Variants in PPP1R9A observed in about 807,000 individuals in gnomAD.
The protein encoded by PPP1R9A is neurabin-1.
A neutral mutation model predicts 141.9 loss-of-function variants in PPP1R9A; 59 were observed. That is an observed-to-expected ratio of 0.42 (90% CI 0.34 to 0.52). The LOEUF (loss-of-function observed/expected upper bound fraction) is 0.52, where lower values mean the gene tolerates loss of function less well. Among genes scored for constraint, PPP1R9A ranks in the 20% least tolerant of loss-of-function variants. The probability of loss-of-function intolerance (pLI) is 0.10; values close to 1 mark genes in which losing one functional copy is unlikely to be tolerated. For missense variants in PPP1R9A, 1,444 were observed against 1,611.9 expected, an observed-to-expected ratio of 0.90 and a Z score of 1.78; for synonymous variants, 500 against 569.7, an observed-to-expected ratio of 0.88 and a Z score of 1.74.
chr7:95,188,654 A>G lies in PPP1R9A; in HGVS notation c.1755-9695A>G, dbSNP rs528886185. 2.6e-4 allele frequency among the ~76,000 whole-genome samples: 39 copies of G among 148,278 alleles called. 1 individual carries two copies. Among genetic ancestry groups the G allele is most frequent in the African/African-American group, 9.7e-4 (39 of 40,180 alleles). On this transcript the variant is annotated intron_variant, in intron 5 of 19. Transcript: ENST00000433360. ...CACTCTGTTGCCTAGGCTGGAGTGC[A>G]GTGGTGCAATCTCGGCTCACTGTAA... is the stretch of plus-strand genomic sequence containing the variant.
chr7:95,187,400 T>C (rs1328777423), intron 5 of PPP1R9A, among the ~76,000 whole-genome samples: 1 of 152,152 alleles, frequency 6.6e-6, no homozygotes, highest in Non-Finnish European at 1.5e-5. Context: ...TTCGGATATT[T>C]TCTCTTCTTG....
chr7:95,126,364 T>C (rs1005635505), intron 4 of PPP1R9A, among the ~76,000 whole-genome samples: 1 of 152,186 alleles, frequency 6.6e-6, no homozygotes, highest in Admixed American at 6.5e-5. Flanking sequence ...ATTACCCTTA[T>C]CCCTATTGAT....
chr7:94,976,373 G>A (rs1454684717), intron 2 of PPP1R9A, among the ~76,000 whole-genome samples: 14 of 135,676 alleles, frequency 1.0e-4, no homozygotes, highest in Admixed American at 7.3e-4. Flanking sequence ...ATGAAGTCTC[G>A]CTCTGTCACC....
intron 2 of PPP1R9A, among the ~76,000 whole-genome samples, chr7:94,981,699 T>C (rs1241578065): frequency 6.6e-6 from 1 of 152,228 alleles, no homozygotes; most frequent in Non-Finnish European, 1.5e-5. Flanking sequence ...TATATTCTAA[T>C]ACAATTTTGT....
chr7:95,025,324 C>A (rs1345571080), intron 2 of PPP1R9A, among the ~76,000 whole-genome samples: 3 of 152,126 alleles, frequency 2.0e-5, no homozygotes, highest in African/African-American at 4.8e-5. Flanking sequence ...CTCAGCCTCC[C>A]AAAGTGCTGG....
chr7:95,114,162 CAATAA>C (rs925681014), intron 3 of PPP1R9A, among the ~76,000 whole-genome samples: 1 of 151,986 alleles, frequency 6.6e-6, no homozygotes, highest in African/African-American at 2.4e-5. Flanking sequence ...CATATCTAGG[CAATAA>C]AATATTACTC....
chr7:95,168,361 C>G (rs187858510), intron 5 of PPP1R9A, among the ~76,000 whole-genome samples: 80 of 151,966 alleles, frequency 5.3e-4, no homozygotes, highest in Admixed American at 3.3e-4. Context: ...TGAAACTGGA[C>G]CCTTATCCCT....
chr7:95,000,660 ATAT>A (rs1802797150), intron 2 of PPP1R9A, among the ~76,000 whole-genome samples: 1 of 151,946 alleles, frequency 6.6e-6, no homozygotes, highest in Non-Finnish European at 1.5e-5. Flanking sequence ...ATTTTTATGC[ATAT>A]TATTTTGTTT....
At chr7:95,226,249 C>T in intron 8 of PPP1R9A, 133 bp downstream of exon 8, 1 of 877,914 alleles carries the variant, frequency 1.1e-6, no homozygotes, top group Non-Finnish European at 1.6e-6. Context: ...TCTTGAGTCT[C>T]ATTGAATTTC....
rs1003925115 is a variant in PPP1R9A, at chr7:95,159,240, G to A, written c.1650-2627G>A. 5.3e-5 allele frequency among the ~76,000 whole-genome samples: 8 copies of A among 152,118 alleles called. No homozygotes were observed. The East Asian group carries it at 7.7e-4, about 15-fold the overall frequency. On this transcript the variant is annotated intron_variant, in intron 4 of 19. Transcript: ENST00000433360. ...ATTAGGTAGAATTACAGTTATAATA[G>A]TCATGGTTAAATCTCAAATGTAATG...
At chr7:95,075,247 T>G (rs1391678954) in intron 2 of PPP1R9A, among the ~76,000 whole-genome samples, 1 of 152,196 alleles carries the variant, frequency 6.6e-6, no homozygotes, top group African/African-American at 2.4e-5. Flanking sequence ...AAAATATCTT[T>G]GCCAACACAG....
chr7:95,043,397 G>C (rs1320823458), intron 2 of PPP1R9A, among the ~76,000 whole-genome samples: 1 of 152,138 alleles, frequency 6.6e-6, no homozygotes, highest in Admixed American at 6.5e-5. Context: ...CAACACAAAT[G>C]AATAAAAACT....
chr7:95,067,476 G>A (rs1023168633), intron 2 of PPP1R9A, among the ~76,000 whole-genome samples: 2 of 152,130 alleles, frequency 1.3e-5, no homozygotes, highest in Non-Finnish European at 2.9e-5. Flanking sequence ...CTGAATTAGT[G>A]AATGTACACC....
At chr7:94,965,201 T>C (rs1350991221) in intron 2 of PPP1R9A, among the ~76,000 whole-genome samples, 2 of 152,212 alleles carry the variant, frequency 1.3e-5, no homozygotes, top group Non-Finnish European at 2.9e-5. Context: ...TTAAGTTCTT[T>C]GTAGATTCTG....
chr7:94,929,712 A>G (rs547949714), intron 2 of PPP1R9A, among the ~76,000 whole-genome samples: 16 of 152,250 alleles, frequency 1.1e-4, no homozygotes, highest in African/African-American at 1.7e-4. Context: ...TTTGTATATT[A>G]GAAAACCACT....
intron 2 of PPP1R9A, chr7:95,108,749 G>A (rs765772008): frequency 5.9e-5 from 9 of 151,814 alleles, no homozygotes; most frequent in Non-Finnish European, 8.8e-5. Flanking sequence ...AGAACATTCT[G>A]ATATCAGAGT....
At chr7:95,225,869 A>C (rs369677624) in intron 7 of PPP1R9A, 92 bp from the exon 8 acceptor site, 11 of 1,353,662 alleles carry the variant, frequency 8.1e-6, no homozygotes, top group South Asian at 1.5e-5. Flanking sequence ...ATTTGGGTAC[A>C]TGTCTTACTT....
At chr7:95,188,773 A>G (rs763314999) in intron 5 of PPP1R9A, among the ~76,000 whole-genome samples, 1 of 151,516 alleles carries the variant, frequency 6.6e-6, no homozygotes, top group Non-Finnish European at 1.5e-5. Flanking sequence ...TAATTTTTGT[A>G]GTTTTAGTAG....
At chr7:94,940,455 G>C (rs1369082841) in intron 2 of PPP1R9A, among the ~76,000 whole-genome samples, 1 of 151,604 alleles carries the variant, frequency 6.6e-6, no homozygotes, top group Non-Finnish European at 1.5e-5. Context: ...CAGTTACTCT[G>C]AGAATTCTTT....
Sources: gnomAD v4.1 joint callset for allele counts (sites outside exome capture counted in the v4.1 genomes callset) on GRCh38, gnomAD v4.1.1 for gene constraint, MANE v1.5 for transcripts, NCBI Gene and HGNC (gene_info 2026-07-23, HGNC 2026-07-21) for gene names.